Variants in PNP observed in about 807,000 individuals in gnomAD.
The protein encoded by PNP is purine nucleoside phosphorylase.
In PNP, 18 loss-of-function variants were observed where a neutral mutation model predicts 26.8. The observed-to-expected ratio is 0.67, with a 90% CI of 0.46 to 1.00. The LOEUF is 1.00. PNP is among the 50% of genes least tolerant of loss of function. The pLI is 0.00. For missense variants in PNP, 320 were observed against 362.9 expected, an observed-to-expected ratio of 0.88 and a Z score of 0.96; for synonymous variants, 116 against 124.8, an observed-to-expected ratio of 0.93 and a Z score of 0.47.
chr14:20,473,561 A>G (rs1021134440), intron 2 of PNP: 1 of 152,166 alleles, frequency 6.6e-6, no homozygotes, highest in Non-Finnish European at 1.5e-5. Context: ...TAATTACTGC[A>G]TTCACTGTAC....
In PNP at chr14:20,476,589, C is replaced by A. The variant is rs1160516823; in HGVS notation, c.858C>A (p.Asp286Glu). The change falls in exon 6 of 6, where the codon GAC (aspartate) becomes GAA (glutamate). Residue 286 changes from aspartate to glutamate, a missense_variant. Asp to Glu is a conservative substitution (Grantham distance 45, BLOSUM62 2). Transcript: ENST00000361505. ...TTATGGCCAGCATTCCACTCCCTGA[C>A]AAAGCCAGTTGACCTGCCTTGGAGT... ...SILMASIPLP[D>E]KAS 1 of 1,614,176 alleles carries A rather than the reference C, an allele frequency of 6.2e-7. No homozygotes were observed. Among genetic ancestry groups the A allele is most frequent in the Non-Finnish European group, 8.5e-7 (1 of 1,179,986 alleles).
chr14:20,475,167 A>G lies in PNP; in HGVS notation c.567A>G (p.Glu189=). ...KQMGEQRELQ[E]GTYVMVAGPS... ...TGGGGGAGCAACGTGAGCTACAGGAAGGCACCTATGTGATGGTGGCAGGCC... is the reference window on the plus strand; with the variant it reads ...TGGGGGAGCAACGTGAGCTACAGGAGGGCACCTATGTGATGGTGGCAGGCC... Residue 189 remains glutamate (E), a synonymous_variant, in exon 5 of 6, where the codon GAA becomes GAG. Transcript: ENST00000361505. The G allele has an allele frequency of 6.2e-7, 1 of 1,614,214 alleles. No individual in the cohort carries two copies. Among genetic ancestry groups the G allele is most frequent in the Non-Finnish European group, 8.5e-7 (1 of 1,180,030 alleles).
At position 20,469,461 on chromosome 14, in the gene PNP, C is replaced by CGATCG; in HGVS notation, c.-56_-52dup. 6.5e-7 allele frequency: 1 copy of CGATCG among 1,547,802 alleles called. No homozygotes were observed. Among genetic ancestry groups the CGATCG allele is most frequent in the Non-Finnish European group, 8.7e-7 (1 of 1,145,098 alleles). ...TCAGTTCAGCATAGCGGAGCGGATC[C>CGATCG]GATCGGATCGGAGCGGATCGGAGCA... is the stretch of plus-strand genomic sequence containing the variant. On this transcript the variant is annotated 5_prime_UTR_variant, in exon 1 of 6. Transcript: ENST00000361505.
chr14:20,476,359 T>C, intron 5 of PNP, 25 bp from the exon 6 acceptor site: 1 of 1,545,528 alleles, frequency 6.5e-7, no homozygotes, highest in East Asian at 2.2e-5. Context: ...TCCTGACAGT[T>C]GGTTTCCATC....
intron 2 of PNP, chr14:20,473,515 A>C (rs986710504): frequency 1.3e-5 from 2 of 152,204 alleles, no homozygotes; most frequent in Non-Finnish European, 2.9e-5. Flanking sequence ...ATAAGAATAC[A>C]TGTTTTGAGA....
chr14:20,476,331 A>G, intron 5 of PNP, 53 bp from the exon 6 acceptor site: 1 of 1,394,630 alleles, frequency 7.2e-7, no homozygotes. Flanking sequence ...AAGGGCAAGG[A>G]AAAGAGTTAT....
At position 20,476,487 on chromosome 14, in the gene PNP, G is replaced by C; in HGVS notation, c.756G>C (p.Leu252=). Residue 252 remains leucine, a synonymous_variant, in exon 6 of 6, where the codon CTG becomes CTC. Transcript: ENST00000361505. ...AGGTCATCATGGATTATGAAAGCCT[G>C]GAGAAGGCCAACCATGAAGAAGTCT... The part of the protein sequence containing the change: ...TNKVIMDYES[L]EKANHEEVLA... 6.2e-7 allele frequency: 1 copy of C among 1,614,166 alleles called. No homozygotes were observed. The highest frequency in any genetic ancestry group is 8.5e-7 in the Non-Finnish European group (1 of 1,180,016).
In PNP at chr14:20,474,892, T is replaced by TA. The variant is rs1566525641; in HGVS notation, c.406dup (p.Ile136AsnfsTer17). 6.2e-7 allele frequency: 1 copy of TA among 1,614,224 alleles called. No individual in the cohort carries two copies. Among genetic ancestry groups the TA allele is most frequent in the Non-Finnish European group, 8.5e-7 (1 of 1,180,026 alleles). On this transcript the variant is annotated frameshift_variant, in exon 4 of 6. Transcript: ENST00000361505. LOFTEE classifies it high-confidence loss of function. The stretch of plus-strand genomic sequence containing the variant: ...GAGATATCATGCTGATCCGTGACCA[T>TA]ATCAACCTACCTGGTTTCAGTGGTC...
rs766597101 is a variant in PNP, at chr14:20,469,773, C to CA, written c.11+239dup. The CA allele has an allele frequency of 6.1e-5, 39 of 634,608 alleles. No homozygotes were observed. In the South Asian group the frequency reaches 7.1e-4, roughly 12 times the overall value. 39.3% of individuals were successfully genotyped at this position (634,608 alleles called of 1,614,324 possible). ...TGGCGCCACCGGAGCAGGAAGGGGA[C>CA]AGGTCGGTGCGGTCTAAGCTACTCC... On this transcript the variant is annotated intron_variant, in intron 1 of 5. Coordinates refer to ENST00000361505, the MANE Select transcript of PNP (RefSeq NM_000270.4).
At chr14:20,472,849 A>AT (rs892480808) in intron 2 of PNP, 57 of 241,858 alleles carry the variant, frequency 2.4e-4, no homozygotes, top group Middle Eastern at 3.2e-3. Flanking sequence ...AGAGTTAAGA[A>AT]TTTTTTTTTA....
At position 20,473,015 on chromosome 14, in the gene PNP, G is replaced by A. The variant is rs748717347; in HGVS notation, c.181+538G>A. The A allele has an allele frequency of 1.4e-4, 22 of 161,742 alleles. No individual in the cohort carries two copies. In the Middle Eastern group the frequency reaches 9.4e-3, roughly 69 times the overall value. The allele number at this position is 161,742 out of a possible 1,614,324, so 10.0% of individuals were successfully genotyped here. ...AGATAGTAGTGACGCTGGCTCCACT[G>A]GCCACTCCTACCCCCAGTGAGAAGG... On this transcript the variant is annotated intron_variant, in intron 2 of 5. Coordinates refer to ENST00000361505, the MANE Select transcript of PNP (RefSeq NM_000270.4).
intron 2 of PNP, chr14:20,473,186 T>G (rs879812595): frequency 6.6e-6 from 1 of 152,394 alleles, no homozygotes; most frequent in Non-Finnish European, 1.5e-5. Context: ...TGAGAATTTC[T>G]CAGCTCTTCC....
rs750316115 is a variant in PNP at position 20,476,472 on chromosome 14, G to A, written c.741G>A (p.Met247Ile). The change falls in exon 6 of 6, where the codon ATG (methionine) becomes ATA (isoleucine). Residue 247 changes from methionine (M) to isoleucine (I), a missense_variant. Transcript: ENST00000361505. ...GFSLITNKVI[M>I]DYESLEKANH... ...CACTCATCACTAACAAGGTCATCAT[G>A]GATTATGAAAGCCTGGAGAAGGCCA... 1.2e-6 allele frequency: 2 copies of A among 1,614,156 alleles called. No homozygotes were observed. The highest frequency in any genetic ancestry group is 2.2e-5 in the East Asian group (1 of 44,886).
rs770822110 is a variant in PNP, at chr14:20,469,714, G to T, written c.11+179G>T. ...GCGGCAGAGTCATGCGGCAGCCAGC[G>T]CGGGCAGGGACGCACGCGGGAATCG... On this transcript the variant is annotated intron_variant, in intron 1 of 5. Coordinates refer to ENST00000361505, the MANE Select transcript of PNP (RefSeq NM_000270.4). The T allele has an allele frequency of 5.2e-5, 44 of 851,676 alleles. 1 individual carries two copies. In the South Asian group the frequency reaches 5.5e-4, roughly 11 times the overall value. 52.8% of individuals were successfully genotyped at this position (851,676 alleles called of 1,614,324 possible).
chr14:20,472,541 C>T, intron 2 of PNP, 64 bp downstream of exon 2: 1 of 1,451,598 alleles, frequency 6.9e-7, no homozygotes, highest in South Asian at 1.2e-5. Flanking sequence ...TGGAACACAA[C>T]CAAGGAGGCC....
intron 1 of PNP, among the ~76,000 whole-genome samples, chr14:20,469,966 C>G (rs1881951867): frequency 6.6e-6 from 1 of 152,226 alleles, no homozygotes; most frequent in Non-Finnish European, 1.5e-5. Flanking sequence ...ACTTTTGGTG[C>G]TCAAATTCGG....
At chr14:20,469,663 G>A (rs1487091670) in intron 1 of PNP, 128 bp downstream of exon 1, 7 of 1,253,320 alleles carry the variant, frequency 5.6e-6, no homozygotes, top group Non-Finnish European at 6.8e-6. Flanking sequence ...GAGAGGCCTG[G>A]CACTGAGCCT....
intron 2 of PNP, 129 bp downstream of exon 2, chr14:20,472,606 G>A: frequency 1.1e-6 from 1 of 902,402 alleles, no homozygotes; most frequent in Non-Finnish European, 1.8e-6. Context: ...TGTAAGAGAG[G>A]AGAAAAGCCC....
chr14:20,475,937 G>A (rs1411439458), intron 5 of PNP, among the ~76,000 whole-genome samples: 2 of 152,130 alleles, frequency 1.3e-5, no homozygotes, highest in Non-Finnish European at 2.9e-5. Flanking sequence ...TAAGAAATGT[G>A]TATTTATTTT....
Sources: allele counts gnomAD v4.1 joint callset (sites outside exome capture counted in the v4.1 genomes callset), GRCh38; gene constraint gnomAD v4.1.1; transcripts MANE v1.5; gene names NCBI Gene and HGNC (gene_info 2026-07-23, HGNC 2026-07-21).